The following TBX5 variants were observed in gnomAD, a reference collection of about 807,000 sequenced individuals.
TBX5 encodes T-box transcription factor TBX5.
Under a neutral mutation model 51.1 loss-of-function variants are expected in TBX5, and 8 were observed. The ratio of observed to expected loss-of-function variants is 0.16; its 90% CI spans 0.09 to 0.28. The LOEUF (loss-of-function observed/expected upper bound fraction) is 0.28, where lower values mean the gene tolerates loss of function less well. TBX5 is among the 10% of genes least tolerant of loss of function. TBX5 has a pLI of 1.00. For synonymous variants in TBX5, 302 were observed against 266.4 expected (o/e 1.13, Z -1.30); for missense variants, 589 against 671.7 (o/e 0.88, Z 1.36).
At chr12:114,399,748 C>T in intron 3 of TBX5, 116 bp from the exon 4 acceptor site, 1 of 1,521,700 alleles carries the variant, frequency 6.6e-7, no homozygotes, top group Non-Finnish European at 9.0e-7. Context: ...GAAGCGGAAA[C>T]TAGCCCCGTT....
chr12:114,393,816 C>A (rs1420837066), intron 6 of TBX5, among the ~76,000 whole-genome samples: 3 of 152,198 alleles, frequency 2.0e-5, no homozygotes, highest in Admixed American at 2.0e-4. Flanking sequence ...TGTGGTTCTG[C>A]AGGCTCTTTG....
chr12:114,400,139 C>G (rs1250951885), intron 3 of TBX5, among the ~76,000 whole-genome samples: 1 of 152,148 alleles, frequency 6.6e-6, no homozygotes, highest in Admixed American at 6.5e-5. Flanking sequence ...GCCCAGGCTT[C>G]CCGACCTTGC....
At chr12:114,408,147 G>C (rs1448001881), upstream of TBX5, 7 of 985,290 alleles carry the variant, frequency 7.1e-6, no homozygotes, top group Non-Finnish European at 8.4e-6. Context: ...ACGTTTGGCT[G>C]GGGGGCAGCG....
In TBX5 at chr12:114,399,424, A is replaced by C. The variant is rs553136375; in HGVS notation, c.362+89T>G. ...GCACACAGTAGGAACTAAAAAAAAA[A>C]AAAAAGTTCACTGATACAACTTTTC... On this transcript the variant is annotated intron_variant, in intron 4 of 8. Coordinates refer to ENST00000405440, the MANE Select transcript of TBX5 (RefSeq NM_181486.4). The C allele has an allele frequency of 3.8e-6, 6 of 1,599,824 alleles. No homozygotes were observed. In the African/African-American group the frequency reaches 6.7e-5, roughly 18 times the overall value.
At chr12:114,357,930 A>G (rs902703048) in intron 8 of TBX5, among the ~76,000 whole-genome samples, 4 of 152,210 alleles carry the variant, frequency 2.6e-5, no homozygotes, top group Non-Finnish European at 4.4e-5. Context: ...GAACTAAATA[A>G]CGAGAGGAAA....
At chr12:114,407,334 G>T (rs1278826462), upstream of TBX5, among the ~76,000 whole-genome samples, 1 of 152,194 alleles carries the variant, frequency 6.6e-6, no homozygotes, top group Non-Finnish European at 1.5e-5. Context: ...CTCCAAGTCA[G>T]CTTGGAGGCC....
chr12:114,374,235 A>T (rs902240082), intron 7 of TBX5, among the ~76,000 whole-genome samples: 1 of 152,240 alleles, frequency 6.6e-6, no homozygotes, highest in African/African-American at 2.4e-5. Flanking sequence ...CTTGGAAAAT[A>T]AAATTTTAAT....
chr12:114,407,117 C>A (rs550688212), upstream of TBX5: 1 of 985,150 alleles, frequency 1.0e-6, no homozygotes, highest in Non-Finnish European at 1.2e-6. Context: ...AGCTGTGTAA[C>A]CCTCTGTGAC....
intron 3 of TBX5, among the ~76,000 whole-genome samples, chr12:114,401,512 G>A (rs1871809050): frequency 6.6e-6 from 1 of 151,932 alleles, no homozygotes; most frequent in African/African-American, 2.4e-5. Flanking sequence ...CCCTCATTAC[G>A]AATCCAGATA....
intron 3 of TBX5, among the ~76,000 whole-genome samples, chr12:114,400,924 C>G (rs937471347): frequency 1.4e-4 from 21 of 152,198 alleles, no homozygotes; most frequent in African/African-American, 3.6e-4. Flanking sequence ...AAAGGCGGCT[C>G]CACCCTCCCC....
In TBX5 at chr12:114,394,607, C is replaced by T. The variant is rs528513445; in HGVS notation, c.663+134G>A. On this transcript the variant is annotated intron_variant, in intron 6 of 8. Coordinates refer to ENST00000405440, the MANE Select transcript of TBX5 (RefSeq NM_181486.4). ...CTCTTAGGCTGCAGCTTTGTCCCCA[C>T]CCCAGCACCCTGGGGTCGAAGTTGG... The T allele has an allele frequency of 1.8e-5, 22 of 1,238,638 alleles. No homozygotes were observed. In the African/African-American group the frequency reaches 2.5e-4, roughly 14 times the overall value. The allele number at this position is 1,238,638 out of a possible 1,614,324, so 76.7% of individuals were successfully genotyped here.
At chr12:114,371,844 G>T (rs73392891) in intron 7 of TBX5, among the ~76,000 whole-genome samples, 1 of 151,984 alleles carries the variant, frequency 6.6e-6, no homozygotes, top group African/African-American at 2.4e-5. Context: ...TAACATGCAC[G>T]GACACGGCAG....
At chr12:114,378,459 C>A (rs779853578) in intron 7 of TBX5, among the ~76,000 whole-genome samples, 2 of 152,158 alleles carry the variant, frequency 1.3e-5, no homozygotes, top group East Asian at 3.9e-4. Flanking sequence ...GAACATGGAC[C>A]GTGTCTTAAC....
intron 5 of TBX5, 147 bp downstream of exon 5, chr12:114,398,426 G>T: frequency 9.1e-7 from 1 of 1,102,032 alleles, no homozygotes; most frequent in Non-Finnish European, 1.3e-6. Context: ...GAAGGTAGAG[G>T]CAGAAAGCGA....
At chr12:114,376,666 A>C (rs2136387292) in intron 7 of TBX5, among the ~76,000 whole-genome samples, 1 of 150,520 alleles carries the variant, frequency 6.6e-6, no homozygotes, top group South Asian at 2.1e-4. Context: ...ATATATATTA[A>C]AATATATATA....
Position 114,403,782 on chromosome 12 carries a change from CGGGGACTTGCTG to C in TBX5, c.105_116del (p.Lys37_Ser40del). Reference sequence around the variant, plus strand: ...GGGTGAAGGCGGCCTGCGGGGACGACGGGGACTTGCTGGGGGCCCCGAGCGCGCTCTCGGGTT... The same window carrying C: ...GGGTGAAGGCGGCCTGCGGGGACGACGGGGCCCCGAGCGCGCTCTCGGGTT... On this transcript the variant is annotated inframe_deletion, in exon 2 of 9. Transcript: ENST00000405440. 6.2e-7 allele frequency: 1 copy of C among 1,613,848 alleles called. No individual in the cohort carries two copies. Among genetic ancestry groups the C allele is most frequent in the Non-Finnish European group, 8.5e-7 (1 of 1,179,990 alleles).
intron 7 of TBX5, among the ~76,000 whole-genome samples, chr12:114,376,037 C>T (rs1275698792): frequency 3.9e-5 from 6 of 151,972 alleles, no homozygotes; most frequent in Admixed American, 3.9e-4. Context: ...AGAGTAAGAC[C>T]TTATCTCAAA....
chr12:114,403,643 G>A (rs761391086), intron 2 of TBX5, 109 bp downstream of exon 2: 62 of 1,483,494 alleles, frequency 4.2e-5, no homozygotes, highest in Non-Finnish European at 5.4e-5. Context: ...GTTCGTTTTG[G>A]GGTTTTTTTA....
chr12:114,400,094 G>T (rs1053271915), intron 3 of TBX5, among the ~76,000 whole-genome samples: 1 of 152,204 alleles, frequency 6.6e-6, no homozygotes, highest in Non-Finnish European at 1.5e-5. Context: ...TGTACACAAG[G>T]TGTGTGCGCC....
Sources: gnomAD v4.1 joint callset for allele counts (sites outside exome capture counted in the v4.1 genomes callset) on GRCh38, gnomAD v4.1.1 for gene constraint, MANE v1.5 for transcripts, NCBI Gene and HGNC (gene_info 2026-07-23, HGNC 2026-07-21) for gene names.